The following LANCL3 variants were observed in gnomAD, a reference collection of about 807,000 sequenced individuals.
LANCL3 encodes LanC like family member 3.
LANCL3 carries 19 observed loss-of-function variants against 26.5 expected under a neutral mutation model. That is an observed-to-expected ratio of 0.72 (90% confidence interval 0.50 to 1.05). The LOEUF (loss-of-function observed/expected upper bound fraction) is 1.05, where lower values mean the gene tolerates loss of function less well. LANCL3 is among the 50% of genes least tolerant of loss of function. LANCL3 has a pLI of 0.00. For missense variants in LANCL3, 318 were observed against 362.7 expected (o/e 0.88, Z 1.00); for synonymous variants, 160 against 166.6 (o/e 0.96, Z 0.30).
chrX:37,583,741 T>C (rs1322545487), intron 1 of LANCL3, among the ~76,000 whole-genome samples: 2 of 112,278 alleles, frequency 1.8e-5, no homozygotes, highest in Non-Finnish European at 3.8e-5. Context: ...GTTTTCTAGA[T>C]ATACAATCAT....
intron 4 of LANCL3, chrX:37,668,257 CTATATA>C: frequency 7.1e-6 from 1 of 140,853 alleles, no homozygotes. Context: ...AATTGCTGGA[CTATATA>C]TATATATATA....
intron 1 of LANCL3, among the ~76,000 whole-genome samples, chrX:37,631,661 T>G (rs1556424359): frequency 8.9e-6 from 1 of 111,750 alleles, no homozygotes; most frequent in African/African-American, 3.3e-5. Flanking sequence ...GTCTTTGTTC[T>G]CGTTGGTTTC....
chrX:37,669,805 C>T (rs942859382), intron 4 of LANCL3, among the ~76,000 whole-genome samples: 3 of 112,202 alleles, frequency 2.7e-5, no homozygotes, highest in African/African-American at 9.7e-5. Context: ...TGCTATGTTG[C>T]CCAGGCTGGC....
At chrX:37,573,297 A>G (rs1328815404) in intron 1 of LANCL3, among the ~76,000 whole-genome samples, 1 of 112,474 alleles carries the variant, frequency 8.9e-6, no homozygotes, top group Non-Finnish European at 1.9e-5. Context: ...CATAGTGACT[A>G]GAACGGAGAG....
chrX:37,609,217 C>A (rs1208257673), intron 1 of LANCL3, among the ~76,000 whole-genome samples: 2 of 112,006 alleles, frequency 1.8e-5, no homozygotes, highest in East Asian at 2.8e-4. Flanking sequence ...AAAAAGAAAT[C>A]CATATTTGCC....
intron 1 of LANCL3, among the ~76,000 whole-genome samples, chrX:37,632,607 A>G (rs1329901794): frequency 4.5e-5 from 5 of 111,459 alleles, no homozygotes; most frequent in African/African-American, 6.6e-5. Context: ...GTTCCTTTCC[A>G]TGTTTAGTGC....
At chrX:37,634,314 C>T (rs782237524) in intron 1 of LANCL3, among the ~76,000 whole-genome samples, 1 of 112,721 alleles carries the variant, frequency 8.9e-6, no homozygotes, top group African/African-American at 3.2e-5. Context: ...GGGAGTGACC[C>T]AATTTTCCGA....
At chrX:37,624,207 G>A (rs1925248674) in intron 1 of LANCL3, among the ~76,000 whole-genome samples, 1 of 111,751 alleles carries the variant, frequency 8.9e-6, no homozygotes, top group Non-Finnish European at 1.9e-5. Context: ...GAGAGTGCCT[G>A]TTTCCCCACA....
chrX:37,677,136 TTA>T lies in LANCL3; in HGVS notation c.*1325_*1326del, dbSNP rs1182962808. On this transcript the variant is annotated 3_prime_UTR_variant, in exon 5 of 5. Coordinates refer to ENST00000378619, the MANE Select transcript of LANCL3 (RefSeq NM_001170331.2). ...AATAGTCATTAAATATTTGGATATA[TTA>T]TGTGTGTGTGTGTGTGTGTGTGTGT... The T allele has an allele frequency of 2.7e-5, 2 of 73,754 alleles. No individual in the cohort carries two copies. Among genetic ancestry groups the T allele is most frequent in the Non-Finnish European group, 2.3e-5 (1 of 43,283 alleles). The allele number at this position is 73,754 out of a possible 1,213,427, so 6.1% of individuals were successfully genotyped here.
intron 1 of LANCL3, among the ~76,000 whole-genome samples, chrX:37,586,463 T>G (rs782159888): frequency 2.7e-5 from 3 of 112,091 alleles, no homozygotes; most frequent in Non-Finnish European, 5.6e-5. Flanking sequence ...TCTTTTCACA[T>G]AGTCCCATAT....
At chrX:37,653,294 GCA>G (rs781985535) in intron 1 of LANCL3, among the ~76,000 whole-genome samples, 14 of 108,669 alleles carry the variant, frequency 1.3e-4, no homozygotes, top group African/African-American at 3.3e-4. Flanking sequence ...ACACAGACAT[GCA>G]CACACACACA....
intron 1 of LANCL3, among the ~76,000 whole-genome samples, chrX:37,630,044 A>G (rs1364011350): frequency 9.0e-6 from 1 of 111,615 alleles, no homozygotes; most frequent in Non-Finnish European, 1.9e-5. Flanking sequence ...CTTGGGCAGT[A>G]TGGCCATTTT....
intron 1 of LANCL3, among the ~76,000 whole-genome samples, chrX:37,573,395 A>G (rs1932199796): frequency 8.9e-6 from 1 of 112,065 alleles, no homozygotes; most frequent in South Asian, 3.7e-4. Flanking sequence ...TTAGGTGAGA[A>G]AGGCGTTTGA....
chrX:37,585,393 G>A (rs1255779372), intron 1 of LANCL3, among the ~76,000 whole-genome samples: 1 of 111,126 alleles, frequency 9.0e-6, no homozygotes, highest in East Asian at 2.8e-4. Context: ...GTTGACAGTG[G>A]GGTGTTAAAT....
intron 1 of LANCL3, among the ~76,000 whole-genome samples, chrX:37,635,340 T>G (rs900157217): frequency 1.2e-4 from 13 of 112,141 alleles, no homozygotes; most frequent in African/African-American, 4.2e-4. Context: ...ACTTTTAAGT[T>G]AGAATATGAG....
rs782297794 is a variant in LANCL3 at position 37,654,646 on chromosome X, G to A, written c.574-1042G>A. 9.0e-5 allele frequency among the ~76,000 whole-genome samples: 10 copies of A among 111,484 alleles called. No homozygotes were observed. In the South Asian group the frequency reaches 1.9e-3, roughly 21 times the overall value. On this transcript the variant is annotated intron_variant, in intron 1 of 4. Transcript: ENST00000378619. ...AGCGGAGGGAAAGAGAGGGACGGAGGAAGCGAATAAAGAATGAAGGGAGGG... is the reference window on the plus strand; with the variant it reads ...AGCGGAGGGAAAGAGAGGGACGGAGAAAGCGAATAAAGAATGAAGGGAGGG...
intron 2 of LANCL3, 111 bp from the exon 3 acceptor site, chrX:37,659,351 A>C (rs1354546668): frequency 3.5e-6 from 2 of 567,503 alleles, no homozygotes; most frequent in East Asian, 7.2e-5. Flanking sequence ...TTGCTATATG[A>C]GCTTTCAAGT....
intron 1 of LANCL3, among the ~76,000 whole-genome samples, chrX:37,654,741 T>G (rs1380896009): frequency 8.9e-6 from 1 of 111,963 alleles, no homozygotes; most frequent in Non-Finnish European, 1.9e-5. Context: ...AGGACCCCCC[T>G]CAGACTCTGT....
At chrX:37,595,783 T>C (rs181165105) in intron 1 of LANCL3, among the ~76,000 whole-genome samples, 7 of 112,465 alleles carry the variant, frequency 6.2e-5, no homozygotes. Flanking sequence ...TATCTCCTTA[T>C]GTTTAAAGCT....
Sources: gnomAD v4.1 joint callset for allele counts (sites outside exome capture counted in the v4.1 genomes callset) on GRCh38, gnomAD v4.1.1 for gene constraint, MANE v1.5 for transcripts, NCBI Gene and HGNC (gene_info 2026-07-23, HGNC 2026-07-21) for gene names.